The following BOD1L1 variants were observed in gnomAD, a reference collection of about 807,000 sequenced individuals.
BOD1L1 encodes biorientation of chromosomes in cell division protein 1-like 1.
In BOD1L1, 86 loss-of-function variants were observed where a neutral mutation model predicts 240.7. The observed-to-expected ratio is 0.36, with a 90% confidence interval of 0.30 to 0.43. BOD1L1 has a LOEUF of 0.43. Among genes scored for constraint, BOD1L1 ranks in the 20% least tolerant of loss-of-function variants. BOD1L1 has a pLI of 1.00. For missense variants in BOD1L1, 3,554 were observed against 3,643.5 expected, an observed-to-expected ratio of 0.98 and a Z score of 0.63; for synonymous variants, 1,268 against 1,272.3, an observed-to-expected ratio of 1.00 and a Z score of 0.07.
intron 1 of BOD1L1, chr4:13,626,105 G>C (rs934682920): frequency 6.6e-6 from 1 of 152,136 alleles, no homozygotes; most frequent in Admixed American, 6.6e-5. Context: ...GGCGAATCAC[G>C]AGGTCAGGAG....
intron 7 of BOD1L1, among the ~76,000 whole-genome samples, chr4:13,609,066 A>G (rs1459580822): frequency 2.0e-5 from 3 of 152,156 alleles, no homozygotes; most frequent in Non-Finnish European, 4.4e-5. Context: ...ATATACTGCT[A>G]ACAAATGAGT....
chr4:13,610,903 A>G, intron 6 of BOD1L1, 31 bp downstream of exon 6: 3 of 1,553,880 alleles, frequency 1.9e-6, no homozygotes, highest in Non-Finnish European at 1.7e-6. Context: ...CTGATGTAGT[A>G]GGTTAAAATA....
rs909060235 is a variant in BOD1L1, at chr4:13,627,513, TGGCTGC to T, written c.69_74del (p.Gln24_Pro25del). On this transcript the variant is annotated inframe_deletion, in exon 1 of 26. Transcript: ENST00000040738. ...CCCCGGGGCCCGGCGGCGGCGGCGG[TGGCTGC>T]GGCTGCGGCTGCGGCGGGGGAGGCG... is the stretch of plus-strand genomic sequence containing the variant. The T allele has an allele frequency of 1.1e-4, 113 of 1,044,016 alleles. No individual in the cohort carries two copies. The Middle Eastern group carries it at 5.7e-3, about 52-fold the overall frequency. 64.7% of individuals were successfully genotyped at this position (1,044,016 alleles called of 1,614,324 possible).
intron 12 of BOD1L1, chr4:13,592,680 T>G (rs2108920056): frequency 6.6e-6 from 1 of 152,368 alleles, no homozygotes; most frequent in South Asian, 2.1e-4. Context: ...CTTCAGGGTT[T>G]TAACATGTCA....
In BOD1L1 at chr4:13,613,740, A is replaced by C; in HGVS notation, c.1175-79T>G. The stretch of plus-strand genomic sequence containing the variant: ...ACTCAGAGCTCAATTACTAAATTAC[A>C]CTTAAAATTTTCTGCTTTAAATACG... On this transcript the variant is annotated intron_variant, in intron 4 of 25. Transcript: ENST00000040738. This position sits in a 1 kb window ranked among gnomAD's most constrained non-coding sequence, Gnocchi z 4.0. 1 of 1,186,814 alleles carries C rather than the reference A, an allele frequency of 8.4e-7. No individual in the cohort carries two copies. The highest frequency in any genetic ancestry group is 1.1e-6 in the Non-Finnish European group (1 of 898,866). 73.5% of individuals were successfully genotyped at this position (1,186,814 alleles called of 1,614,324 possible).
chr4:13,571,683 G>A (rs1412354863), intron 25 of BOD1L1, among the ~76,000 whole-genome samples: 1 of 152,168 alleles, frequency 6.6e-6, no homozygotes, highest in Non-Finnish European at 1.5e-5. Flanking sequence ...GAGCTTGTTG[G>A]AAATGCCAAC....
chr4:13,588,049 G>T (rs968425164), intron 15 of BOD1L1, among the ~76,000 whole-genome samples: 2 of 152,002 alleles, frequency 1.3e-5, no homozygotes, highest in African/African-American at 4.8e-5. Context: ...TTAGCTGGGC[G>T]TGGTGGCGGG....
chr4:13,586,087 T>G (rs890059935), intron 17 of BOD1L1, among the ~76,000 whole-genome samples: 1 of 152,228 alleles, frequency 6.6e-6, no homozygotes, highest in African/African-American at 2.4e-5. Context: ...TAAAGCACAT[T>G]ATACTTTTGG....
In BOD1L1 at chr4:13,600,589, T is replaced by G; in HGVS notation, c.6311A>C (p.Asn2104Thr). 6.2e-7 allele frequency: 1 copy of G among 1,613,922 alleles called. No homozygotes were observed. The highest frequency in any genetic ancestry group is 8.5e-7 in the Non-Finnish European group (1 of 1,179,854). ...GLSDALRTEE[N>T]MEGTRVTTEE... ...TGTGGTTACTCTGGTACCTTCCATA[T>G]TTTCTTCAGTTCTCAGAGCATCTGA... The change falls in exon 10 of 26, where the codon AAT (asparagine) becomes ACT (threonine). Residue 2104 changes from asparagine (N) to threonine (T), a missense_variant. Physicochemically the swap from Asn to Thr is moderately conservative, Grantham distance 65 (BLOSUM62 0). Coordinates refer to ENST00000040738, the MANE Select transcript of BOD1L1 (RefSeq NM_148894.3).
At position 13,609,437 on chromosome 4, in the gene BOD1L1, T is replaced by G. The variant is rs1450664935; in HGVS notation, c.1492-31A>C. On this transcript the variant is annotated intron_variant, in intron 6 of 25. Coordinates refer to ENST00000040738, the MANE Select transcript of BOD1L1 (RefSeq NM_148894.3). ...ACCACAAAATACCCTAACAGATTAT[T>G]AGGCAAAGGCAAAAACACACTGAAA... 9 of 1,354,632 alleles carry G rather than the reference T, an allele frequency of 6.6e-6. No individual in the cohort carries two copies. The East Asian group carries it at 1.8e-4, about 27-fold the overall frequency. 83.9% of individuals were successfully genotyped at this position (1,354,632 alleles called of 1,614,324 possible).
At position 13,584,366 on chromosome 4, in the gene BOD1L1, G is replaced by A. The variant is rs76571341; in HGVS notation, c.8434-1630C>T. On this transcript the variant is annotated intron_variant, in intron 17 of 25. Transcript: ENST00000040738. ...GTGCTCTGTGTGTGTGTGTGTGTGA[G>A]AGAGAGAGACAGAGTGTGTGAGATG... is the stretch of plus-strand genomic sequence containing the variant. Among the ~76,000 whole-genome samples, 1,246 of 149,680 alleles carry A rather than the reference G, an allele frequency of 8.3e-3. 4 individuals are homozygous for A. Among genetic ancestry groups the A allele is most frequent in the Non-Finnish European group, 0.014 (964 of 67,216 alleles).
rs1302090093 is a variant in BOD1L1 at position 13,599,977 on chromosome 4, G to A, written c.6923C>T (p.Ala2308Val). The A allele has an allele frequency of 6.2e-7, 1 of 1,611,270 alleles. No individual in the cohort carries two copies. Among genetic ancestry groups the A allele is most frequent in the Non-Finnish European group, 8.5e-7 (1 of 1,178,582 alleles). The change falls in exon 10 of 26, where the codon GCT (alanine) becomes GTT (valine). Residue 2308 changes from alanine (A) to valine (V), a missense_variant. Physicochemically the swap from Ala to Val is moderately conservative, Grantham distance 64 (BLOSUM62 0). This residue lies in a region of BOD1L1 where 3,393 missense variants were observed against 3,427.1 expected (regional missense o/e 0.99). Transcript: ENST00000040738. ...SEGCEAVMIG[A>V]VLQDEDRLTI... Reference sequence around the variant, plus strand: ...GAGCCGATCTTCATCCTGGAGGACAGCACCAATCATGACTGCTTCACACCC... The same window carrying A: ...GAGCCGATCTTCATCCTGGAGGACAACACCAATCATGACTGCTTCACACCC...
chr4:13,577,820 G>A (rs370068170), intron 22 of BOD1L1, 189 bp from the exon 23 acceptor site: 4 of 418,584 alleles, frequency 9.6e-6, no homozygotes, highest in Admixed American at 4.4e-5. Flanking sequence ...TGTGAGTCAC[G>A]AAACATAAGT....
Position 13,576,804 on chromosome 4 carries a change from A to G in BOD1L1, c.9038+34T>C, listed in dbSNP as rs771682907. 3 of 1,577,870 alleles carry G rather than the reference A, an allele frequency of 1.9e-6. No homozygotes were observed. The South Asian group carries it at 3.5e-5, about 19-fold the overall frequency. On this transcript the variant is annotated intron_variant, in intron 25 of 25. Transcript: ENST00000040738. ...CAATTTTCAGATGGAGAAGCTGGTGAAGGTCTCTGGCAGCTCTGTGCTGCC... is the reference window on the plus strand; with the variant it reads ...CAATTTTCAGATGGAGAAGCTGGTGGAGGTCTCTGGCAGCTCTGTGCTGCC...
Position 13,613,683 on chromosome 4 carries a change from C to T in BOD1L1, c.1175-22G>A. The T allele has an allele frequency of 6.8e-7, 1 of 1,473,872 alleles. No homozygotes were observed. Among genetic ancestry groups the T allele is most frequent in the Non-Finnish European group, 9.1e-7 (1 of 1,099,802 alleles). 91.3% of individuals were successfully genotyped at this position (1,473,872 alleles called of 1,614,324 possible). A position where few individuals can be genotyped will look rare whatever the true frequency, so the allele number is the denominator to read the frequency against. On this transcript the variant is annotated intron_variant, in intron 4 of 25. Transcript: ENST00000040738. This position sits in a 1 kb window ranked among gnomAD's most constrained non-coding sequence, Gnocchi z 4.0. ...AAATCTTCAAGCGGAAAATAAAACA[C>T]AGAAAAAAAAATCATCTTATTATAA...
rs552169523 is a variant in BOD1L1 at position 13,625,649 on chromosome 4, G to A, written c.243+1696C>T. On this transcript the variant is annotated intron_variant, in intron 1 of 25. Coordinates refer to ENST00000040738, the MANE Select transcript of BOD1L1 (RefSeq NM_148894.3). ...AGTAAAAATTCCACTTGTTGAATAC[G>A]AATAACTAACTTTATTTGATAACAT... 3.9e-5 allele frequency: 6 copies of A among 152,198 alleles called. No homozygotes were observed. In the South Asian group the frequency reaches 1.0e-3, roughly 26 times the overall value. The allele number at this position is 152,198 out of a possible 1,614,324, so 9.4% of individuals were successfully genotyped here.
chr4:13,627,528 C>A lies in BOD1L1; in HGVS notation c.60G>T (p.Gln20His). ...GCGGCGGCGGTGGCTGCGGCTGCGG[C>A]TGCGGCGGGGGAGGCGGCGGCGCCG... ...PPPAPPPPPP[Q>H]PQPQPPPPPP... The change falls in exon 1 of 26, where the codon CAG becomes CAT. Residue 20 changes from glutamine (Q) to histidine (H), a missense_variant. Transcript: ENST00000040738. 1 of 1,099,122 alleles carries A rather than the reference C, an allele frequency of 9.1e-7. No homozygotes were observed. The highest frequency in any genetic ancestry group is 1.1e-6 in the Non-Finnish European group (1 of 903,134). The allele number at this position is 1,099,122 out of a possible 1,614,324, so 68.1% of individuals were successfully genotyped here.
At chr4:13,624,912 G>A (rs1003000710) in intron 1 of BOD1L1, 1 of 152,212 alleles carries the variant, frequency 6.6e-6, no homozygotes, top group Non-Finnish European at 1.5e-5. Context: ...AGTGGCAGAT[G>A]AAACTCAAGG....
chr4:13,594,839 G>A (rs887762306), intron 12 of BOD1L1, among the ~76,000 whole-genome samples: 1 of 152,118 alleles, frequency 6.6e-6, no homozygotes, highest in African/African-American at 2.4e-5. Flanking sequence ...AGGTTGCAGT[G>A]AGCCGAGATC....
Sources: allele counts gnomAD v4.1 joint callset (sites outside exome capture counted in the v4.1 genomes callset), GRCh38; gene constraint gnomAD v4.1.1; regional missense constraint gnomAD v4.1.1; non-coding constraint Gnocchi (gnomAD v3.1); transcripts MANE v1.5; gene names NCBI Gene and HGNC (gene_info 2026-07-23, HGNC 2026-07-21).